DENND4C: variants seen among roughly 807,000 people sequenced by gnomAD.
DENND4C encodes DENN domain containing 4C.
A neutral mutation model predicts 203.0 loss-of-function variants in DENND4C; 108 were observed. The ratio of observed to expected loss-of-function variants is 0.53; its 90% CI spans 0.46 to 0.62. DENND4C has a LOEUF of 0.62. DENND4C is among the 20% of genes least tolerant of loss of function. The pLI is 0.00. For missense variants in DENND4C, 2,481 were observed against 2,301.2 expected, an observed-to-expected ratio of 1.08 and a Z score of -1.60; for synonymous variants, 871 against 792.4, an observed-to-expected ratio of 1.10 and a Z score of -1.67.
intron 9 of DENND4C, among the ~76,000 whole-genome samples, chr9:19,303,483 A>C (rs914492472): frequency 4.6e-5 from 7 of 152,182 alleles, no homozygotes; most frequent in Non-Finnish European, 7.4e-5. Flanking sequence ...GACAGAGACA[A>C]TATGGTTCAC....
In DENND4C at chr9:19,346,166, T is replaced by A; in HGVS notation, c.3397T>A (p.Leu1133Met). The A allele has an allele frequency of 6.2e-7, 1 of 1,614,244 alleles. No homozygotes were observed. Among genetic ancestry groups the A allele is most frequent in the Non-Finnish European group, 8.5e-7 (1 of 1,180,034 alleles). Residue 1133 changes from leucine to methionine, a missense_variant, in exon 23 of 33, where the codon TTG becomes ATG. Physicochemically the swap from Leu to Met is conservative, Grantham distance 15 (BLOSUM62 2). Around this residue, in one of 3 missense-constraint regions of DENND4C, gnomAD observed 2,289 missense variants for 2,113.3 expected, o/e 1.08. Transcript: ENST00000434457. ...AGATGCCAAGATTCTCACAGCAGCA[T>A]TGACATGTCCTAAGACTTCTCTACT... ...GADAKILTAA[L>M]TCPKTSLLHI... is the part of the protein sequence containing the mutation.
At chr9:19,367,706 C>T (rs1345475848) in intron 30 of DENND4C, among the ~76,000 whole-genome samples, 4 of 152,190 alleles carry the variant, frequency 2.6e-5, no homozygotes, top group Non-Finnish European at 4.4e-5. Context: ...TGCTGCTGCA[C>T]TCCAGCCTGG....
intron 1 of DENND4C, among the ~76,000 whole-genome samples, chr9:19,270,213 C>T (rs1424234069): frequency 6.6e-6 from 1 of 152,142 alleles, no homozygotes; most frequent in Non-Finnish European, 1.5e-5. Flanking sequence ...TGGGTTAGAC[C>T]TGAAACCAGC....
At chr9:19,246,699 T>A (rs1237849047) in intron 1 of DENND4C, among the ~76,000 whole-genome samples, 1 of 152,200 alleles carries the variant, frequency 6.6e-6, no homozygotes, top group Non-Finnish European at 1.5e-5. Context: ...AGGATTTTGC[T>A]TCTGGGTTAT....
At position 19,332,023 on chromosome 9, in the gene DENND4C, C is replaced by A; in HGVS notation, c.2299C>A (p.Pro767Thr). The change falls in exon 17 of 33, where the codon CCA becomes ACA. Residue 767 changes from proline to threonine, a missense_variant. Pro to Thr is a conservative substitution (Grantham distance 38). Around this residue, in one of 3 missense-constraint regions of DENND4C, gnomAD observed 2,289 missense variants for 2,113.3 expected, o/e 1.08. Transcript: ENST00000434457. Reference sequence around the variant, plus strand: ...ATTGGCGAAGAGATGTTATACAAATCCACCACAGTGGGCCAAGTGTCTGTT... The same window carrying A: ...ATTGGCGAAGAGATGTTATACAAATACACCACAGTGGGCCAAGTGTCTGTT... The part of the protein sequence containing the change: ...HKLAKRCYTN[P>T]PQWAKCLFSH... 6.2e-7 allele frequency: 1 copy of A among 1,613,978 alleles called. No homozygotes were observed. The highest frequency in any genetic ancestry group is 1.1e-5 in the South Asian group (1 of 91,078).
rs76697639 is a variant in DENND4C at position 19,329,846 on chromosome 9, C to G, written c.2253+1684C>G. Among the ~76,000 whole-genome samples the G allele has an allele frequency of 8.7e-3, 1,332 of 152,272 alleles. 11 individuals carry two copies. The highest frequency in any genetic ancestry group is 0.016 in the South Asian group (79 of 4,826). The stretch of plus-strand genomic sequence containing the variant: ...TCCAAAGGGAGTTAACTTAGGACAA[C>G]CTAGACATCTTGCTTTACTACTATA... On this transcript the variant is annotated intron_variant, in intron 16 of 32. Coordinates refer to ENST00000434457, the MANE Select transcript of DENND4C (RefSeq NM_001330640.2).
At chr9:19,286,698 CTA>C (rs1564120399) in intron 2 of DENND4C, 69 bp from the exon 3 acceptor site, 9 of 1,155,174 alleles carry the variant, frequency 7.8e-6, no homozygotes, top group Non-Finnish European at 9.8e-6. Context: ...AATGCATGTA[CTA>C]TATATATGTA....
chr9:19,263,768 C>T (rs1829918816), intron 1 of DENND4C, among the ~76,000 whole-genome samples: 1 of 151,924 alleles, frequency 6.6e-6, no homozygotes, highest in Non-Finnish European at 1.5e-5. Flanking sequence ...GATTTTCTTG[C>T]CTCAGCCTCC....
chr9:19,280,882 A>G (rs576280965), intron 2 of DENND4C, among the ~76,000 whole-genome samples: 252 of 152,222 alleles, frequency 1.7e-3, no homozygotes, highest in African/African-American at 6.0e-3. Context: ...CTGGGACTAC[A>G]GGCAAGCACC....
chr9:19,350,754 T>C lies in DENND4C; in HGVS notation c.4370T>C (p.Leu1457Ser). 1 of 1,613,966 alleles carries C rather than the reference T, an allele frequency of 6.2e-7. No individual in the cohort carries two copies. Among genetic ancestry groups the C allele is most frequent in the South Asian group, 1.1e-5 (1 of 91,066 alleles). The change falls in exon 24 of 33, where the codon TTG (leucine) becomes TCG (serine). Residue 1457 changes from leucine (L) to serine (S), a missense_variant. Around this residue, in one of 3 missense-constraint regions of DENND4C, gnomAD observed 2,289 missense variants for 2,113.3 expected, o/e 1.08. Coordinates refer to ENST00000434457, the MANE Select transcript of DENND4C (RefSeq NM_001330640.2). ...SFPAGLEDHI[L>S]GENISPNTSI... ...CCAGCTGGCCTAGAAGACCATATTT[T>C]GGGGGAGAATATATCGCCTAACACA...
At chr9:19,254,283 C>A (rs558224929) in intron 1 of DENND4C, among the ~76,000 whole-genome samples, 2 of 152,134 alleles carry the variant, frequency 1.3e-5, no homozygotes, top group Admixed American at 1.3e-4. Flanking sequence ...GATATCTGTA[C>A]CCCCATGTTA....
At position 19,234,573 on chromosome 9, in the gene DENND4C, C is replaced by T. The variant is rs531477770; in HGVS notation, c.-18+3740C>T. ...TTTTTAACACGGTCTCACTTTGTCA[C>T]CTAGGCTAGAGTGCAGTGCATCTCA... On this transcript the variant is annotated intron_variant, in intron 1 of 32. Transcript: ENST00000434457. 2.9e-5 allele frequency among the ~76,000 whole-genome samples: 4 copies of T among 137,852 alleles called. No individual in the cohort carries two copies. In the East Asian group the frequency reaches 9.3e-4, roughly 32 times the overall value. The allele number at this position is 137,852 out of a possible 152,430, so 90.4% of individuals were successfully genotyped here.
chr9:19,249,863 GC>G (rs953465105), intron 1 of DENND4C, among the ~76,000 whole-genome samples: 58 of 152,218 alleles, frequency 3.8e-4, no homozygotes, highest in African/African-American at 1.3e-3. Flanking sequence ...TCACTTTGTT[GC>G]CCAGGCTGGT....
intron 18 of DENND4C, among the ~76,000 whole-genome samples, chr9:19,335,330 A>T (rs1047376349): frequency 6.6e-6 from 1 of 152,206 alleles, no homozygotes; most frequent in Non-Finnish European, 1.5e-5. Flanking sequence ...CTATTAAATA[A>T]TTAACATATG....
chr9:19,256,021 T>C (rs1827830243), intron 1 of DENND4C, among the ~76,000 whole-genome samples: 1 of 151,620 alleles, frequency 6.6e-6, no homozygotes, highest in South Asian at 2.1e-4. Context: ...GAGGATTGCT[T>C]GAGGCCAGGA....
chr9:19,363,370 G>A (rs990252097), intron 30 of DENND4C, among the ~76,000 whole-genome samples: 2 of 152,004 alleles, frequency 1.3e-5, no homozygotes, highest in Non-Finnish European at 2.9e-5. Flanking sequence ...AAATTCAGCT[G>A]GGCGTGGTGG....
At chr9:19,296,347 G>T in intron 6 of DENND4C, 101 bp downstream of exon 6, 2 of 788,592 alleles carry the variant, frequency 2.5e-6, no homozygotes, top group Middle Eastern at 3.9e-4. Context: ...AGGGAAGGAA[G>T]CCTGCATTTA....
chr9:19,334,968 TTTTG>T lies in DENND4C; in HGVS notation c.2461-6_2461-3del. The T allele has an allele frequency of 6.3e-7, 1 of 1,580,408 alleles. No homozygotes were observed. The highest frequency in any genetic ancestry group is 8.6e-7 in the Non-Finnish European group (1 of 1,168,912). The stretch of plus-strand genomic sequence containing the variant: ...CTAATTACTGACACTGATTTTTTTT[TTTTG>T]TTAGGTGTGCTATCGAGTAGTGATG... On this transcript the variant is annotated splice_polypyrimidine_tract_variant and splice_region_variant and intron_variant, in intron 17 of 32. Transcript: ENST00000434457.
At chr9:19,308,752 T>C (rs1246402849) in intron 10 of DENND4C, among the ~76,000 whole-genome samples, 1 of 152,226 alleles carries the variant, frequency 6.6e-6, no homozygotes, top group African/African-American at 2.4e-5. Flanking sequence ...TGAAATACTA[T>C]CATGGTTATT....
Sources: allele counts gnomAD v4.1 joint callset (sites outside exome capture counted in the v4.1 genomes callset), GRCh38; gene constraint gnomAD v4.1.1; regional missense constraint gnomAD v4.1.1; transcripts MANE v1.5; gene names NCBI Gene and HGNC (gene_info 2026-07-23, HGNC 2026-07-21).